Variants in TRMT9B observed in about 807,000 individuals in gnomAD.
The protein encoded by TRMT9B is probable tRNA methyltransferase 9B.
Under a neutral mutation model 11.5 loss-of-function variants are expected in TRMT9B, and 16 were observed. The observed-to-expected ratio is 1.39, with a 90% CI of 0.94 to 2.11. The LOEUF (loss-of-function observed/expected upper bound fraction) is 2.11, where lower values mean the gene tolerates loss of function less well. TRMT9B is among the 30% of genes most tolerant of loss of function. The pLI is 0.00. For missense variants in TRMT9B, 941 were observed against 553.8 expected (o/e 1.70, Z -7.02); for synonymous variants, 274 against 192.4 (o/e 1.42, Z -3.51).
chr8:12,955,285 C>G (rs1337923366), intron 1 of TRMT9B, among the ~76,000 whole-genome samples: 1 of 152,160 alleles, frequency 6.6e-6, no homozygotes, highest in Non-Finnish European at 1.5e-5. Context: ...TTTGACTCAG[C>G]TAGGTTAAAG....
chr8:12,966,910 C>A (rs1171571466), intron 1 of TRMT9B, among the ~76,000 whole-genome samples: 1 of 152,142 alleles, frequency 6.6e-6, no homozygotes, highest in Non-Finnish European at 1.5e-5. Context: ...ACCTTGCTTC[C>A]ATTTTACAGT....
chr8:13,010,827 A>G, intron 3 of TRMT9B: 9 of 982,950 alleles, frequency 9.2e-6, no homozygotes, highest in Non-Finnish European at 1.1e-5. Context: ...TAATTTTAAA[A>G]TACTTTGTGA....
At chr8:13,020,680 C>A (rs1474723341) in intron 4 of TRMT9B, among the ~76,000 whole-genome samples, 1 of 152,122 alleles carries the variant, frequency 6.6e-6, no homozygotes, top group African/African-American at 2.4e-5. Flanking sequence ...TAAAAAAAAT[C>A]CATAGTATTT....
At chr8:13,004,946 G>A (rs181227887) in intron 2 of TRMT9B, among the ~76,000 whole-genome samples, 147 of 152,146 alleles carry the variant, frequency 9.7e-4, no homozygotes, top group East Asian at 2.3e-3. Context: ...AGACTTCTAA[G>A]GTTTTTGACT....
intron 1 of TRMT9B, among the ~76,000 whole-genome samples, chr8:12,977,421 G>C (rs761990807): frequency 9.2e-5 from 14 of 152,132 alleles, no homozygotes; most frequent in Non-Finnish European, 1.8e-4. Flanking sequence ...AAATATTCTT[G>C]GCCGGGCGTG....
At chr8:13,010,952 C>G (rs946622424) in intron 3 of TRMT9B, 29 of 906,496 alleles carry the variant, frequency 3.2e-5, no homozygotes, top group Non-Finnish European at 3.8e-5. Context: ...AATATGGTCA[C>G]ATTTACGTAG....
In TRMT9B at chr8:13,027,637, A is replaced by G. The variant is rs1814847618; in HGVS notation, c.*5593A>G. ...TTTCATAAGAAATTACATAATGACAAGTAATTCCCACATTCCCTAGATATA... is the reference window on the plus strand; with the variant it reads ...TTTCATAAGAAATTACATAATGACAGGTAATTCCCACATTCCCTAGATATA... On this transcript the variant is annotated 3_prime_UTR_variant, in exon 5 of 5. Transcript: ENST00000524591. 6.0e-6 allele frequency: 1 copy of G among 167,096 alleles called. No homozygotes were observed. Among genetic ancestry groups the G allele is most frequent in the African/African-American group, 2.4e-5 (1 of 41,460 alleles). 10.4% of individuals were successfully genotyped at this position (167,096 alleles called of 1,614,324 possible).
At chr8:12,980,148 C>T (rs1297997080) in intron 1 of TRMT9B, among the ~76,000 whole-genome samples, 1 of 152,132 alleles carries the variant, frequency 6.6e-6, no homozygotes, top group East Asian at 1.9e-4. Flanking sequence ...TCTTGCAGCT[C>T]AGGAGGCCAG....
chr8:12,982,067 T>A (rs1180617688), intron 1 of TRMT9B, among the ~76,000 whole-genome samples: 1 of 152,214 alleles, frequency 6.6e-6, no homozygotes, highest in African/African-American at 2.4e-5. Context: ...CTTTACAATA[T>A]CTGTATCTAT....
intron 4 of TRMT9B, among the ~76,000 whole-genome samples, chr8:13,015,551 G>A (rs1431020537): frequency 1.5e-5 from 2 of 129,210 alleles, no homozygotes; most frequent in Admixed American, 8.5e-5. Flanking sequence ...AGATGGGGTT[G>A]CCATATTGTC....
At chr8:12,992,300 G>C (rs1366301204) in intron 2 of TRMT9B, among the ~76,000 whole-genome samples, 1 of 152,156 alleles carries the variant, frequency 6.6e-6, no homozygotes, top group Non-Finnish European at 1.5e-5. Context: ...AGAGTTGAGA[G>C]TTCATGACAG....
intron 1 of TRMT9B, among the ~76,000 whole-genome samples, chr8:12,971,518 A>G (rs367881302): frequency 6.6e-6 from 1 of 152,186 alleles, no homozygotes; most frequent in African/African-American, 2.4e-5. Flanking sequence ...TTTAAAATGA[A>G]CTTGTCATTG....
At chr8:12,976,815 TG>T (rs1233252130) in intron 1 of TRMT9B, among the ~76,000 whole-genome samples, 2 of 152,116 alleles carry the variant, frequency 1.3e-5, no homozygotes, top group Non-Finnish European at 2.9e-5. Flanking sequence ...GAACTTGGCA[TG>T]ACTTTAAACC....
At chr8:12,988,108 A>G (rs1290883089) in intron 1 of TRMT9B, among the ~76,000 whole-genome samples, 2 of 151,998 alleles carry the variant, frequency 1.3e-5, no homozygotes, top group Non-Finnish European at 2.9e-5. Flanking sequence ...TTCTTTTTGC[A>G]TATGCTGTTT....
At chr8:13,016,598 C>G (rs1029784514) in intron 4 of TRMT9B, among the ~76,000 whole-genome samples, 2 of 151,444 alleles carry the variant, frequency 1.3e-5, no homozygotes, top group African/African-American at 2.4e-5. Flanking sequence ...CTGGTTATGC[C>G]TTCATTTTAT....
At chr8:13,013,309 C>G (rs1264499395) in intron 4 of TRMT9B, among the ~76,000 whole-genome samples, 3 of 152,190 alleles carry the variant, frequency 2.0e-5, no homozygotes, top group Admixed American at 6.5e-5. Flanking sequence ...CTGCCACTCA[C>G]TGGTACTCAA....
At chr8:12,970,449 C>G (rs138321570) in intron 1 of TRMT9B, among the ~76,000 whole-genome samples, 13 of 152,302 alleles carry the variant, frequency 8.5e-5, no homozygotes, top group African/African-American at 3.1e-4. Flanking sequence ...CTGCATGATT[C>G]CAATCCAATT....
At chr8:12,959,311 T>C (rs916586310) in intron 1 of TRMT9B, among the ~76,000 whole-genome samples, 5 of 152,138 alleles carry the variant, frequency 3.3e-5, no homozygotes, top group African/African-American at 9.7e-5. Context: ...CTTGACAGAT[T>C]GCGGTCAAAA....
At chr8:13,003,884 T>C (rs1809921219) in intron 2 of TRMT9B, among the ~76,000 whole-genome samples, 1 of 149,934 alleles carries the variant, frequency 6.7e-6, no homozygotes, top group South Asian at 2.3e-4. Context: ...TTCATATCAC[T>C]AAAGGAAGCA....
Sources: gnomAD v4.1 joint callset for allele counts (sites outside exome capture counted in the v4.1 genomes callset) on GRCh38, gnomAD v4.1.1 for gene constraint, MANE v1.5 for transcripts, NCBI Gene and HGNC (gene_info 2026-07-23, HGNC 2026-07-21) for gene names.